The following MCC variants were observed in gnomAD, a reference collection of about 807,000 sequenced individuals.
The protein encoded by MCC is MCC regulator of Wnt signaling pathway.
MCC carries 90 observed loss-of-function variants against 116.2 expected under a neutral mutation model. That is an observed-to-expected ratio of 0.77 (90% confidence interval 0.65 to 0.92). The LOEUF (loss-of-function observed/expected upper bound fraction) is 0.92. Ranked by LOEUF, MCC falls within the 40% of genes least tolerant of loss-of-function variation. The pLI, the probability that MCC is intolerant of heterozygous loss-of-function variation, is 0.00. For missense variants in MCC, 1,516 were observed against 1,312.2 expected (o/e 1.16, Z -2.40); for synonymous variants, 578 against 510.5 (o/e 1.13, Z -1.78).
chr5:113,160,024 C>T (rs1318908188), intron 3 of MCC, among the ~76,000 whole-genome samples: 2 of 152,120 alleles, frequency 1.3e-5, no homozygotes, highest in East Asian at 1.9e-4. Context: ...ATTTCTTAAA[C>T]CTCAGCTGAA....
chr5:113,069,119 T>G (rs1379395177), intron 12 of MCC, among the ~76,000 whole-genome samples: 1 of 152,256 alleles, frequency 6.6e-6, no homozygotes, highest in Non-Finnish European at 1.5e-5. Flanking sequence ...ATACTTCATA[T>G]GTTCAATAGC....
Position 113,442,560 on chromosome 5 carries a change from T to C in MCC, c.170+45685A>G, listed in dbSNP as rs959735638. ...GCCATTGCTTTTCGTGTTTTAGACA[T>C]GAAGTCTTTACCCATGCCTATGTCC... On this transcript the variant is annotated intron_variant, in intron 1 of 18. Transcript: ENST00000408903. Among the ~76,000 whole-genome samples the C allele has an allele frequency of 9.8e-5, 15 of 152,346 alleles. No homozygotes were observed. The East Asian group carries it at 2.9e-3, about 29-fold the overall frequency.
intron 6 of MCC, among the ~76,000 whole-genome samples, chr5:113,109,169 T>A (rs1023310068): frequency 6.6e-6 from 1 of 152,186 alleles, no homozygotes; most frequent in Non-Finnish European, 1.5e-5. Context: ...GGTAATTCTA[T>A]GTTTAACAAA....
intron 6 of MCC, among the ~76,000 whole-genome samples, chr5:113,113,886 C>T (rs544872100): frequency 6.6e-6 from 1 of 152,056 alleles, no homozygotes; most frequent in African/African-American, 2.4e-5. Context: ...TGGGACTAAA[C>T]AAAAGCAACC....
chr5:113,352,024 A>C (rs1481703803), intron 2 of MCC, among the ~76,000 whole-genome samples: 1 of 152,190 alleles, frequency 6.6e-6, no homozygotes, highest in Admixed American at 6.5e-5. Flanking sequence ...ATTTTTGCTG[A>C]AGTGATGCTG....
At chr5:113,068,244 C>G (rs930822149) in intron 12 of MCC, 61 bp from the exon 13 acceptor site, 22 of 1,344,374 alleles carry the variant, frequency 1.6e-5, no homozygotes, top group Non-Finnish European at 2.3e-5. Flanking sequence ...TTCAATGTGG[C>G]GCCGGTTTCT....
chr5:113,423,206 T>G (rs1170749366), intron 1 of MCC, among the ~76,000 whole-genome samples: 1 of 152,200 alleles, frequency 6.6e-6, no homozygotes, highest in Non-Finnish European at 1.5e-5. Flanking sequence ...TTGATAACTT[T>G]GCTGTCTAAA....
chr5:113,287,412 T>C (rs1270971265), intron 3 of MCC, among the ~76,000 whole-genome samples: 1 of 152,184 alleles, frequency 6.6e-6, no homozygotes, highest in African/African-American at 2.4e-5. Context: ...CACTGCAACC[T>C]CCACCTCCTG....
chr5:113,033,547 G>T (rs1191834971), intron 17 of MCC, among the ~76,000 whole-genome samples: 1 of 152,062 alleles, frequency 6.6e-6, no homozygotes, highest in Non-Finnish European at 1.5e-5. Context: ...TATGGTTTGG[G>T]TACATAAGTT....
intron 2 of MCC, among the ~76,000 whole-genome samples, chr5:113,365,797 AG>A (rs1396721166): frequency 6.6e-6 from 1 of 152,184 alleles, no homozygotes; most frequent in Non-Finnish European, 1.5e-5. Context: ...AAGGCAAAGG[AG>A]GAGCCAGCAC....
At chr5:113,130,522 T>G (rs1561382942) in intron 5 of MCC, among the ~76,000 whole-genome samples, 1 of 152,168 alleles carries the variant, frequency 6.6e-6, no homozygotes, top group South Asian at 2.1e-4. Context: ...GAGCCTGCTA[T>G]GGTTTGAATG....
At chr5:113,071,584 G>A (rs958302148) in intron 11 of MCC, among the ~76,000 whole-genome samples, 1 of 152,124 alleles carries the variant, frequency 6.6e-6, no homozygotes, top group African/African-American at 2.4e-5. Context: ...ACGTCTGGTG[G>A]GCTTAGATAA....
chr5:113,160,286 C>T (rs913843866), intron 3 of MCC, among the ~76,000 whole-genome samples: 4 of 152,150 alleles, frequency 2.6e-5, no homozygotes, highest in Non-Finnish European at 5.9e-5. Context: ...CTGAGACTGA[C>T]AATCAGCTTT....
At chr5:113,065,493 T>C (rs976955641) in intron 13 of MCC, among the ~76,000 whole-genome samples, 7 of 152,106 alleles carry the variant, frequency 4.6e-5, no homozygotes, top group African/African-American at 1.2e-4. Context: ...CACCAAATCA[T>C]AGAAAATGCT....
At chr5:113,460,677 T>C (rs1771719559) in intron 1 of MCC, among the ~76,000 whole-genome samples, 1 of 152,206 alleles carries the variant, frequency 6.6e-6, no homozygotes, top group Non-Finnish European at 1.5e-5. Flanking sequence ...GAGCATCATA[T>C]TGAAGACCTG....
chr5:113,159,189 C>T (rs922396766), intron 3 of MCC, among the ~76,000 whole-genome samples: 5 of 152,130 alleles, frequency 3.3e-5, no homozygotes, highest in Non-Finnish European at 7.4e-5. Flanking sequence ...CGGATTACCT[C>T]TAAGATTCTT....
At chr5:113,329,602 T>G (rs970693584) in intron 3 of MCC, among the ~76,000 whole-genome samples, 7 of 152,210 alleles carry the variant, frequency 4.6e-5, no homozygotes, top group African/African-American at 1.7e-4. Flanking sequence ...TTCAGAGGAT[T>G]ATCTCTTTCA....
At chr5:113,187,406 G>T (rs1481427220) in intron 3 of MCC, among the ~76,000 whole-genome samples, 1 of 152,096 alleles carries the variant, frequency 6.6e-6, no homozygotes, top group African/African-American at 2.4e-5. Context: ...ACAGCACCCG[G>T]CCTCCTCTGT....
intron 11 of MCC, among the ~76,000 whole-genome samples, chr5:113,079,282 T>C (rs1754676947): frequency 6.6e-6 from 1 of 152,234 alleles, no homozygotes; most frequent in African/African-American, 2.4e-5. Context: ...TCAATGACAT[T>C]CTTCACAGAA....
Sources: allele counts gnomAD v4.1 joint callset (sites outside exome capture counted in the v4.1 genomes callset), GRCh38; gene constraint gnomAD v4.1.1; transcripts MANE v1.5; gene names NCBI Gene and HGNC (gene_info 2026-07-23, HGNC 2026-07-21).